Variants in KCNH1 observed in about 807,000 individuals in gnomAD.
KCNH1 encodes potassium voltage-gated channel subfamily H member 1, also known as voltage-gated delayed rectifier potassium channel KCNH1.
A neutral mutation model predicts 69.2 loss-of-function variants in KCNH1; 27 were observed. The ratio of observed to expected loss-of-function variants is 0.39; its 90% CI spans 0.29 to 0.54. KCNH1 has a LOEUF of 0.54. Ranked by LOEUF, KCNH1 falls within the 20% of genes least tolerant of loss-of-function variation. The probability of loss-of-function intolerance (pLI) is 0.68; values close to 1 mark genes in which losing one functional copy is unlikely to be tolerated. For missense variants in KCNH1, 798 were observed against 1,261.6 expected (o/e 0.63, Z 5.57); for synonymous variants, 456 against 487.7 (o/e 0.93, Z 0.86).
intron 6 of KCNH1, among the ~76,000 whole-genome samples, chr1:211,014,966 T>C (rs114074520): frequency 0.012 from 1,777 of 152,292 alleles, 39 homozygotes; most frequent in African/African-American, 0.04. Flanking sequence ...CTGATCTGGG[T>C]TCAAAAGATG....
At chr1:211,008,610 G>C (rs1689330376) in intron 6 of KCNH1, among the ~76,000 whole-genome samples, 2 of 152,322 alleles carry the variant, frequency 1.3e-5, no homozygotes, top group South Asian at 4.1e-4. Context: ...TTCAAGAATA[G>C]GTAAAACTAA....
In KCNH1 at chr1:211,114,572, T is replaced by C. The variant is rs1245543959; in HGVS notation, c.80-7195A>G. On this transcript the variant is annotated intron_variant, in intron 1 of 10. Transcript: ENST00000271751. ...AATCTCCTGAATAAAGTACATAAAT[T>C]CCAGTACGAGGACACTATGACAGCA... 2.0e-5 allele frequency among the ~76,000 whole-genome samples: 3 copies of C among 152,136 alleles called. No individual in the cohort carries two copies. The East Asian group carries it at 5.8e-4, about 29-fold the overall frequency.
chr1:210,686,871 G>T (rs60438341), intron 10 of KCNH1, among the ~76,000 whole-genome samples: 1,968 of 152,182 alleles, frequency 0.013, 33 homozygotes, highest in African/African-American at 0.045. Context: ...CTTATTATTT[G>T]CCCTAAAAGA....
intron 7 of KCNH1, among the ~76,000 whole-genome samples, chr1:210,851,230 ATGT>A (rs1574295836): frequency 1.3e-5 from 2 of 152,260 alleles, no homozygotes; most frequent in Non-Finnish European, 2.9e-5. Context: ...AATAGAGAAC[ATGT>A]TGTTGTCTCC....
At chr1:210,743,562 G>A (rs550005401) in intron 10 of KCNH1, among the ~76,000 whole-genome samples, 3 of 152,204 alleles carry the variant, frequency 2.0e-5, no homozygotes, top group African/African-American at 7.2e-5. Flanking sequence ...CAGGGTGACC[G>A]CATGGAAGTG....
At chr1:211,057,479 A>T (rs1690333757) in intron 5 of KCNH1, among the ~76,000 whole-genome samples, 1 of 151,924 alleles carries the variant, frequency 6.6e-6, no homozygotes, top group African/African-American at 2.4e-5. Flanking sequence ...TACAAAAAAA[A>T]ATTTTTTTAA....
intron 9 of KCNH1, among the ~76,000 whole-genome samples, chr1:210,776,467 G>A (rs1683863645): frequency 6.6e-6 from 1 of 152,148 alleles, no homozygotes; most frequent in Admixed American, 6.5e-5. Flanking sequence ...ATGATGTCAG[G>A]AAGTGAAGCC....
At chr1:210,955,199 A>T (rs1001124990) in intron 6 of KCNH1, among the ~76,000 whole-genome samples, 3 of 152,178 alleles carry the variant, frequency 2.0e-5, no homozygotes, top group Admixed American at 6.5e-5. Flanking sequence ...TATGTCAAAG[A>T]TCAGATGGTT....
At chr1:210,830,054 A>G (rs1000257626) in intron 7 of KCNH1, among the ~76,000 whole-genome samples, 3 of 152,174 alleles carry the variant, frequency 2.0e-5, no homozygotes, top group Admixed American at 6.5e-5. Context: ...ACTACTGCCT[A>G]CCACCTCAAG....
At chr1:210,712,309 G>C (rs1469049431) in intron 10 of KCNH1, among the ~76,000 whole-genome samples, 1 of 152,150 alleles carries the variant, frequency 6.6e-6, no homozygotes, top group African/African-American at 2.4e-5. Flanking sequence ...GGGTCATTGA[G>C]CCCATGTGTG....
rs143400576 is a variant in KCNH1, at chr1:210,992,414, C to G, written c.1032+26369G>C. Among the ~76,000 whole-genome samples the G allele has an allele frequency of 1.2e-4, 18 of 152,294 alleles. No individual in the cohort carries two copies. In the East Asian group the frequency reaches 3.5e-3, roughly 29 times the overall value. On this transcript the variant is annotated intron_variant, in intron 6 of 10. Transcript: ENST00000271751. Reference sequence around the variant, plus strand: ...TCAACCTGAAGAAATTATATTCCCTCTAAAATTCCCAAGGCGCTAAACAGA... The same window carrying G: ...TCAACCTGAAGAAATTATATTCCCTGTAAAATTCCCAAGGCGCTAAACAGA...
intron 7 of KCNH1, among the ~76,000 whole-genome samples, chr1:210,913,263 A>C (rs2102552192): frequency 6.6e-6 from 1 of 152,340 alleles, no homozygotes; most frequent in East Asian, 1.9e-4. Flanking sequence ...CTCCTAAAAA[A>C]TTCTGAACAC....
In KCNH1 at chr1:210,713,765, A is replaced by G. The variant is rs953430929; in HGVS notation, c.2113-29627T>C. On this transcript the variant is annotated intron_variant, in intron 10 of 10. Coordinates refer to ENST00000271751, the MANE Select transcript of KCNH1 (RefSeq NM_172362.3). ...CCTCCTCCTGGAAGCCGTTCCATAT[A>G]TTTCCAGGCTGAATTATGTCTGCTC... Among the ~76,000 whole-genome samples the G allele has an allele frequency of 3.9e-5, 6 of 152,252 alleles. No homozygotes were observed. In the East Asian group the frequency reaches 1.2e-3, roughly 29 times the overall value.
At chr1:211,113,732 GT>G (rs1427423102) in intron 1 of KCNH1, among the ~76,000 whole-genome samples, 1 of 152,272 alleles carries the variant, frequency 6.6e-6, no homozygotes, top group African/African-American at 2.4e-5. Flanking sequence ...GAATCCAGAA[GT>G]CCCCAACTGC....
At chr1:211,102,242 C>T (rs1177397825) in intron 3 of KCNH1, among the ~76,000 whole-genome samples, 1 of 152,180 alleles carries the variant, frequency 6.6e-6, no homozygotes, top group Non-Finnish European at 1.5e-5. Flanking sequence ...ATTAGTGCTG[C>T]CAACGTGGAA....
chr1:210,763,943 G>A (rs1289296115), intron 10 of KCNH1, among the ~76,000 whole-genome samples: 1 of 151,958 alleles, frequency 6.6e-6, no homozygotes, highest in Admixed American at 6.6e-5. Context: ...TAAAGCTGGA[G>A]GCAATCACAT....
intron 7 of KCNH1, among the ~76,000 whole-genome samples, chr1:210,898,285 C>T (rs949400509): frequency 2.4e-4 from 36 of 152,112 alleles, no homozygotes; most frequent in Admixed American, 2.1e-3. Flanking sequence ...TCCCACCACA[C>T]TGGGGATCTG....
intron 10 of KCNH1, 24 bp downstream of exon 10, chr1:210,775,324 A>T: frequency 1.2e-6 from 2 of 1,606,828 alleles, no homozygotes; most frequent in Non-Finnish European, 1.7e-6. Flanking sequence ...TCTTTGTGGA[A>T]AATAACTGAA....
chr1:210,977,876 T>C (rs1464443697), intron 6 of KCNH1, among the ~76,000 whole-genome samples: 3 of 152,198 alleles, frequency 2.0e-5, no homozygotes, highest in Admixed American at 2.0e-4. Context: ...GTAAGTAGCA[T>C]ACCTATCACC....
Sources: gnomAD v4.1 joint callset for allele counts (sites outside exome capture counted in the v4.1 genomes callset) on GRCh38, gnomAD v4.1.1 for gene constraint, MANE v1.5 for transcripts, NCBI Gene and HGNC (gene_info 2026-07-23, HGNC 2026-07-21) for gene names.